FAM110B: variants seen among roughly 807,000 people sequenced by gnomAD.
The protein encoded by FAM110B is protein FAM110B.
A neutral mutation model predicts 20.4 loss-of-function variants in FAM110B; 6 were observed. That is an observed-to-expected ratio of 0.29 (90% CI 0.16 to 0.58). FAM110B has a LOEUF of 0.58. Ranked by LOEUF, FAM110B falls within the 20% of genes least tolerant of loss-of-function variation. FAM110B has a pLI of 0.90. For missense variants in FAM110B, 434 were observed against 498.2 expected (o/e 0.87, Z 1.23); for synonymous variants, 226 against 214.1 (o/e 1.06, Z -0.49).
At chr8:57,997,065 T>TTA (rs1804199659) in intron 1 of FAM110B, among the ~76,000 whole-genome samples, 1 of 152,240 alleles carries the variant, frequency 6.6e-6, no homozygotes, top group Non-Finnish European at 1.5e-5. Flanking sequence ...AAAATCGTGA[T>TTA]TCCTAAATAA....
chr8:58,005,043 A>T (rs1804372577), intron 1 of FAM110B, among the ~76,000 whole-genome samples: 1 of 152,232 alleles, frequency 6.6e-6, no homozygotes, highest in Non-Finnish European at 1.5e-5. Flanking sequence ...TTGGCTAAAG[A>T]GGCCTAGTTT....
intron 3 of FAM110B, among the ~76,000 whole-genome samples, chr8:58,132,738 G>A (rs1045277223): frequency 6.6e-6 from 1 of 152,146 alleles, no homozygotes; most frequent in Non-Finnish European, 1.5e-5. Flanking sequence ...AGGTGCCTGT[G>A]CCCAAAATCA....
chr8:58,063,555 A>G (rs1805699055), intron 2 of FAM110B, among the ~76,000 whole-genome samples: 1 of 152,208 alleles, frequency 6.6e-6, no homozygotes, highest in South Asian at 2.1e-4. Context: ...CTGCTTGAGC[A>G]TCCCTAATCT....
intron 2 of FAM110B, among the ~76,000 whole-genome samples, chr8:58,052,978 G>A (rs1805481568): frequency 6.6e-6 from 1 of 150,548 alleles, no homozygotes; most frequent in African/African-American, 2.5e-5. Flanking sequence ...GTAGAGACGG[G>A]GTTTCACCGT....
chr8:58,016,511 G>A (rs1196774497), intron 1 of FAM110B, among the ~76,000 whole-genome samples: 2 of 152,164 alleles, frequency 1.3e-5, no homozygotes, highest in Non-Finnish European at 1.5e-5. Flanking sequence ...TGGTGGGAGC[G>A]GGGAGCTCAG....
intron 2 of FAM110B, among the ~76,000 whole-genome samples, chr8:58,071,487 AC>A (rs1805895092): frequency 6.6e-6 from 1 of 152,116 alleles, no homozygotes; most frequent in African/African-American, 2.4e-5. Context: ...CTCCTGAAAA[AC>A]TAAACGTTGC....
At chr8:58,136,803 A>C (rs1803630584) in intron 3 of FAM110B, among the ~76,000 whole-genome samples, 1 of 152,226 alleles carries the variant, frequency 6.6e-6, no homozygotes, top group Non-Finnish European at 1.5e-5. Flanking sequence ...AATAGGACGA[A>C]AACATTTTAA....
intron 3 of FAM110B, among the ~76,000 whole-genome samples, chr8:58,079,782 T>TA (rs34849809): frequency 2.6e-4 from 38 of 146,580 alleles, no homozygotes; most frequent in South Asian, 1.1e-3. Context: ...ACCCTATCTT[T>TA]AAAAAAAAAA....
chr8:58,049,737 A>G (rs536144617), intron 2 of FAM110B, among the ~76,000 whole-genome samples: 1 of 152,340 alleles, frequency 6.6e-6, no homozygotes, highest in South Asian at 2.1e-4. Context: ...GGGCTGAATC[A>G]GATGCAGAAT....
chr8:58,051,333 C>A (rs574019166), intron 2 of FAM110B, among the ~76,000 whole-genome samples: 82 of 152,274 alleles, frequency 5.4e-4, no homozygotes, highest in African/African-American at 1.8e-3. Flanking sequence ...AACCTTGAAG[C>A]TGTGTGGATG....
At chr8:58,099,127 T>G (rs1806713606) in intron 3 of FAM110B, 1 of 152,214 alleles carries the variant, frequency 6.6e-6, no homozygotes, top group South Asian at 2.1e-4. Context: ...AGTTGAAAAC[T>G]GGTGTAATAC....
At chr8:58,083,165 A>C (rs1406352833) in intron 3 of FAM110B, among the ~76,000 whole-genome samples, 1 of 152,190 alleles carries the variant, frequency 6.6e-6, no homozygotes, top group East Asian at 1.9e-4. Flanking sequence ...GATATAAGAC[A>C]CAACAGCACA....
rs771744509 is a variant in FAM110B at position 58,147,247 on chromosome 8, G to A, written c.1017G>A (p.Pro339=). Residue 339 remains proline (P), a synonymous_variant, in exon 4 of 4, where the codon CCG becomes CCA. Transcript: ENST00000519262. ...ATGACAGTGCCAATGACCGCGTGCC[G>A]TATGGCATTTCTGCCATCGAAAGAA... The part of the protein sequence containing the change: ...RNDDSANDRV[P]YGISAIERNA... 29 of 1,613,886 alleles carry A rather than the reference G, an allele frequency of 1.8e-5. No individual in the cohort carries two copies. The highest frequency in any genetic ancestry group is 1.0e-4 in the Admixed American group (6 of 59,992).
At chr8:58,051,106 C>T (rs1805432016) in intron 2 of FAM110B, among the ~76,000 whole-genome samples, 1 of 152,174 alleles carries the variant, frequency 6.6e-6, no homozygotes, top group Non-Finnish European at 1.5e-5. Context: ...GATTTCCATT[C>T]ATTGACCTGT....
intron 3 of FAM110B, among the ~76,000 whole-genome samples, chr8:58,139,955 C>T (rs1055465951): frequency 6.6e-6 from 1 of 151,748 alleles, no homozygotes; most frequent in Non-Finnish European, 1.5e-5. Context: ...TAATAAATGT[C>T]TAAATAAAAT....
chr8:58,027,667 T>G (rs1477224721), intron 1 of FAM110B, among the ~76,000 whole-genome samples: 2 of 152,216 alleles, frequency 1.3e-5, no homozygotes, highest in Non-Finnish European at 2.9e-5. Context: ...TTTGCCTTTC[T>G]CTAAAATTTC....
chr8:58,091,648 G>A (rs1183516371), intron 3 of FAM110B: 1 of 152,084 alleles, frequency 6.6e-6, no homozygotes, highest in Non-Finnish European at 1.5e-5. Flanking sequence ...AAAAAAATAA[G>A]CATAGGTAAT....
At chr8:58,066,442 C>T (rs1263668075) in intron 2 of FAM110B, among the ~76,000 whole-genome samples, 3 of 152,170 alleles carry the variant, frequency 2.0e-5, no homozygotes, top group Non-Finnish European at 2.9e-5. Flanking sequence ...GGCTGCTGCC[C>T]ATGGCCTTTG....
chr8:58,074,094 C>T (rs1003239748), intron 2 of FAM110B, among the ~76,000 whole-genome samples: 15 of 152,108 alleles, frequency 9.9e-5, no homozygotes, highest in African/African-American at 3.6e-4. Context: ...TTTACTTTTC[C>T]CACCCTCCGG....
Sources: allele counts gnomAD v4.1 joint callset (sites outside exome capture counted in the v4.1 genomes callset), GRCh38; gene constraint gnomAD v4.1.1; transcripts MANE v1.5; gene names NCBI Gene and HGNC (gene_info 2026-07-23, HGNC 2026-07-21).